The following BCL11B variants were observed in gnomAD, a reference collection of about 807,000 sequenced individuals.
BCL11B encodes the protein B-cell lymphoma/leukemia 11B.
Under a neutral mutation model 49.9 loss-of-function variants are expected in BCL11B, and 8 were observed. The ratio of observed to expected loss-of-function variants is 0.16; its 90% confidence interval spans 0.09 to 0.29. The LOEUF is 0.29. Ranked by LOEUF, BCL11B falls within the 10% of genes least tolerant of loss-of-function variation. The pLI, the probability that BCL11B is intolerant of heterozygous loss-of-function variation, is 1.00. For missense variants in BCL11B, 1,006 were observed against 1,351.0 expected (o/e 0.74, Z 4.00); for synonymous variants, 739 against 637.4 (o/e 1.16, Z -2.40).
rs982092933 is a variant in BCL11B at position 99,173,984 on chromosome 14, T to C, written c.*167A>G. On this transcript the variant is annotated 3_prime_UTR_variant, in exon 4 of 4. Coordinates refer to ENST00000357195, the MANE Select transcript of BCL11B (RefSeq NM_138576.4). The stretch of plus-strand genomic sequence containing the variant: ...TGTACTGCCTTAATCAACCCTCGGG[T>C]TTCCATAGGACTTCGCAGACACAGG... The C allele has an allele frequency of 2.5e-5, 16 of 634,750 alleles. No individual in the cohort carries two copies. Among genetic ancestry groups the C allele is most frequent in the Non-Finnish European group, 3.8e-5 (14 of 367,706 alleles). 39.3% of individuals were successfully genotyped at this position (634,750 alleles called of 1,614,324 possible).
chr14:99,214,387 C>T (rs976007989), intron 3 of BCL11B, among the ~76,000 whole-genome samples: 4 of 151,998 alleles, frequency 2.6e-5, no homozygotes, highest in Admixed American at 1.3e-4. Flanking sequence ...AAGACCCTGT[C>T]TCTACAAAAA....
At position 99,192,207 on chromosome 14, in the gene BCL11B, C is replaced by CT. The variant is rs1187184346; in HGVS notation, c.641-16013dup. On this transcript the variant is annotated intron_variant, in intron 3 of 3. Transcript: ENST00000357195. The surrounding 1 kb of genome is among the most constrained non-coding windows in gnomAD (Gnocchi z 4.0). ...GGAATGCGTGTGTTTTGCTTGGCGG[C>CT]TGTTCATAATACTGTCTTGGCAGCG... Among the ~76,000 whole-genome samples, 1 of 152,210 alleles carries CT rather than the reference C, an allele frequency of 6.6e-6. No individual in the cohort carries two copies. Among genetic ancestry groups the CT allele is most frequent in the East Asian group, 1.9e-4 (1 of 5,188 alleles).
chr14:99,196,626 C>T (rs762200654), intron 3 of BCL11B, among the ~76,000 whole-genome samples: 17 of 152,200 alleles, frequency 1.1e-4, no homozygotes, highest in Non-Finnish European at 1.8e-4. Context: ...CAGATGCCCC[C>T]CAAGATTCCC....
intron 3 of BCL11B, among the ~76,000 whole-genome samples, chr14:99,201,258 C>T (rs970801153): frequency 6.6e-6 from 1 of 152,202 alleles, no homozygotes; most frequent in Non-Finnish European, 1.5e-5. Context: ...TTGACCCTCA[C>T]CAGCTGAAGA....
intron 1 of BCL11B, chr14:99,264,373 T>C (rs1889422111): frequency 3.3e-5 from 5 of 152,154 alleles, no homozygotes; most frequent in Admixed American, 3.3e-4. Context: ...TCAACTTTTC[T>C]TGAGTCATTT....
rs994182445 is a variant in BCL11B, at chr14:99,192,843, C to A, written c.641-16648G>T. On this transcript the variant is annotated intron_variant, in intron 3 of 3. Coordinates refer to ENST00000357195, the MANE Select transcript of BCL11B (RefSeq NM_138576.4). This position sits in a 1 kb window ranked among gnomAD's most constrained non-coding sequence, Gnocchi z 4.0. ...TCTGGTCAGTGCTCAATAGAGAATG[C>A]TATTTAATGATCAAAATGTAAATGA... Among the ~76,000 whole-genome samples, 1 of 151,784 alleles carries A rather than the reference C, an allele frequency of 6.6e-6. No individual in the cohort carries two copies. The highest frequency in any genetic ancestry group is 2.4e-5 in the African/African-American group (1 of 41,304).
chr14:99,172,853 A>C lies in BCL11B; in HGVS notation c.*1298T>G, dbSNP rs1398071285. 1 of 226,728 alleles carries C rather than the reference A, an allele frequency of 4.4e-6. No homozygotes were observed. Among genetic ancestry groups the C allele is most frequent in the East Asian group, 6.4e-5 (1 of 15,744 alleles). 14.0% of individuals were successfully genotyped at this position (226,728 alleles called of 1,614,324 possible). On this transcript the variant is annotated 3_prime_UTR_variant, in exon 4 of 4. Coordinates refer to ENST00000357195, the MANE Select transcript of BCL11B (RefSeq NM_138576.4). ...CCAACCTAATGAGATAGGAAAAAAA[A>C]AATAAAAACCTGGGAAGTAGCGCTG...
intron 3 of BCL11B, among the ~76,000 whole-genome samples, chr14:99,179,472 TTA>T (rs1491346849): frequency 1.6e-5 from 1 of 61,096 alleles, no homozygotes; most frequent in Non-Finnish European, 3.3e-5. Context: ...AGAATCCATC[TTA>T]AAAAAAAAAA....
rs1433890901 is a variant in BCL11B, at chr14:99,175,894, C to T, written c.942G>A (p.Pro314=). 3.4e-6 allele frequency: 5 copies of T among 1,456,766 alleles called. No individual in the cohort carries two copies. Among genetic ancestry groups the T allele is most frequent in the African/African-American group, 3.0e-5 (2 of 67,112 alleles). The allele number at this position is 1,456,766 out of a possible 1,614,324, so 90.2% of individuals were successfully genotyped here. A position where few individuals can be genotyped will look rare whatever the true frequency, so the allele number is the denominator to read the frequency against. ...GFGEGRLPGT[P]PLFSPPPRHH... is the part of the protein sequence containing the mutation. ...GGCGCGGCGGGGGACTGAAGAGAGG[C>T]GGCGTGCCCGGCAGGCGGCCCTCGC... Residue 314 remains proline, a synonymous_variant, in exon 4 of 4, where the codon CCG becomes CCA. Transcript: ENST00000357195.
intron 1 of BCL11B, among the ~76,000 whole-genome samples, chr14:99,261,192 G>A (rs948980169): frequency 6.6e-6 from 1 of 152,112 alleles, no homozygotes; most frequent in Non-Finnish European, 1.5e-5. Flanking sequence ...AAATTTCTGG[G>A]TCAGAGTAAG....
chr14:99,251,124 C>A (rs1230453982), intron 2 of BCL11B, among the ~76,000 whole-genome samples: 1 of 152,086 alleles, frequency 6.6e-6, no homozygotes, highest in Non-Finnish European at 1.5e-5. Flanking sequence ...GGGTGGGCAC[C>A]CTGGGATGGC....
intron 3 of BCL11B, among the ~76,000 whole-genome samples, chr14:99,177,446 T>TG (rs767445499): frequency 1.1e-4 from 17 of 151,458 alleles, no homozygotes; most frequent in Non-Finnish European, 2.1e-4. Context: ...CTCCTGCACC[T>TG]GGGGGTGAAG....
At chr14:99,181,309 C>T (rs916598023) in intron 3 of BCL11B, among the ~76,000 whole-genome samples, 5 of 152,322 alleles carry the variant, frequency 3.3e-5, no homozygotes, top group Non-Finnish European at 7.3e-5. Flanking sequence ...TTACACTAGG[C>T]GTGGCATTTC....
chr14:99,229,365 A>T (rs1281335985), intron 3 of BCL11B, among the ~76,000 whole-genome samples: 1 of 146,412 alleles, frequency 6.8e-6, no homozygotes, highest in African/African-American at 2.8e-5. Context: ...CTGATGGCAG[A>T]GCCCCCCAGA....
rs1889224975 is a variant in BCL11B, at chr14:99,258,038, C to T, written c.59-199G>A. ...CAGGACAGATGGGCACACTGAGGCT[C>T]TAGGAGCAACGTCGTGCCCCCTGGG... On this transcript the variant is annotated intron_variant, in intron 1 of 3. Transcript: ENST00000357195. 2.0e-5 allele frequency among the ~76,000 whole-genome samples: 3 copies of T among 152,190 alleles called. No homozygotes were observed. In the South Asian group the frequency reaches 6.2e-4, roughly 31 times the overall value.
chr14:99,271,324 G>C lies in BCL11B; in HGVS notation c.-106C>G. 1.3e-6 allele frequency: 1 copy of C among 753,302 alleles called. No individual in the cohort carries two copies. Among genetic ancestry groups the C allele is most frequent in the Non-Finnish European group, 1.8e-6 (1 of 565,966 alleles). The allele number at this position is 753,302 out of a possible 1,614,324, so 46.7% of individuals were successfully genotyped here. On this transcript the variant is annotated 5_prime_UTR_variant, in exon 1 of 4. Coordinates refer to ENST00000357195, the MANE Select transcript of BCL11B (RefSeq NM_138576.4). Reference sequence around the variant, plus strand: ...CGCCGCTGCCGCCGCTGCCGCCGCCGCCGCCGCCGCCGCACCTCCTCCTCT... The same window carrying C: ...CGCCGCTGCCGCCGCTGCCGCCGCCCCCGCCGCCGCCGCACCTCCTCCTCT...
chr14:99,195,218 T>C lies in BCL11B; in HGVS notation c.641-19023A>G, dbSNP rs562726850. On this transcript the variant is annotated intron_variant, in intron 3 of 3. Coordinates refer to ENST00000357195, the MANE Select transcript of BCL11B (RefSeq NM_138576.4). This position sits in a 1 kb window ranked among gnomAD's most constrained non-coding sequence, Gnocchi z 4.7. Reference sequence around the variant, plus strand: ...AATATGTGGAGCGAACTACCTGGCTTCCTGACCTGTACTTTCAAGCCCCAC... The same window carrying C: ...AATATGTGGAGCGAACTACCTGGCTCCCTGACCTGTACTTTCAAGCCCCAC... 1.3e-5 allele frequency among the ~76,000 whole-genome samples: 2 copies of C among 152,184 alleles called. No individual in the cohort carries two copies. The highest frequency in any genetic ancestry group is 4.1e-4 in the South Asian group (2 of 4,826).
In BCL11B at chr14:99,175,780, G is replaced by T. The variant is rs769990544; in HGVS notation, c.1056C>A (p.Asn352Lys). ...TGGCGGGCGAGTCGATGGCCATGGG[G>T]TTCAGGCGCATGACTCGGTCGAAGG... is the stretch of plus-strand genomic sequence containing the variant. ...PSAFDRVMRL[N>K]PMAIDSPAMD... The change falls in exon 4 of 4, where the codon AAC becomes AAA. Residue 352 changes from asparagine (N) to lysine (K), a missense_variant. By Grantham distance (94) the Asn-to-Lys change is moderately conservative. Around this residue, in one of 6 missense-constraint regions of BCL11B, gnomAD observed 411 missense variants for 542.2 expected, o/e 0.76. Coordinates refer to ENST00000357195, the MANE Select transcript of BCL11B (RefSeq NM_138576.4). 1.4e-6 allele frequency: 2 copies of T among 1,472,310 alleles called. No homozygotes were observed. The highest frequency in any genetic ancestry group is 1.8e-6 in the Non-Finnish European group (2 of 1,123,606). 91.2% of individuals were successfully genotyped at this position (1,472,310 alleles called of 1,614,324 possible).
intron 2 of BCL11B, among the ~76,000 whole-genome samples, chr14:99,237,730 C>T (rs555217715): frequency 3.3e-5 from 5 of 152,156 alleles, no homozygotes; most frequent in African/African-American, 4.8e-5. Flanking sequence ...AGAGTTCCTT[C>T]GGGGTCATTA....
Sources: gnomAD v4.1 joint callset for allele counts (sites outside exome capture counted in the v4.1 genomes callset) on GRCh38, gnomAD v4.1.1 for gene constraint, gnomAD v4.1.1 regional missense constraint, Gnocchi (gnomAD v3.1) non-coding constraint, MANE v1.5 for transcripts, NCBI Gene and HGNC (gene_info 2026-07-23, HGNC 2026-07-21) for gene names.